CDK15: variants seen among roughly 807,000 people sequenced by gnomAD.
The protein encoded by CDK15 is cyclin-dependent kinase 15.
A neutral mutation model predicts 60.3 loss-of-function variants in CDK15; 62 were observed. That is an observed-to-expected ratio of 1.03 (90% CI 0.84 to 1.27). The LOEUF is 1.27. Ranked by LOEUF, CDK15 falls within the 50% of genes most tolerant of loss-of-function variation. CDK15 has a pLI of 0.00. For synonymous variants in CDK15, 194 were observed against 195.7 expected, an observed-to-expected ratio of 0.99 and a Z score of 0.07; for missense variants, 541 against 527.8, an observed-to-expected ratio of 1.03 and a Z score of -0.25.
intron 6 of CDK15, among the ~76,000 whole-genome samples, chr2:201,825,699 A>T (rs747698705): frequency 1.1e-4 from 16 of 152,180 alleles, no homozygotes; most frequent in South Asian, 6.2e-4. Flanking sequence ...GAGAATGTAG[A>T]CAGTTGGATT....
intron 4 of CDK15, among the ~76,000 whole-genome samples, chr2:201,822,348 C>T (rs1424099869): frequency 6.6e-6 from 1 of 152,246 alleles, no homozygotes; most frequent in Non-Finnish European, 1.5e-5. Flanking sequence ...ATCATATCCA[C>T]CGGCCCTATT....
intron 12 of CDK15, among the ~76,000 whole-genome samples, chr2:201,884,501 G>T (rs1401756379): frequency 6.6e-6 from 1 of 152,110 alleles, no homozygotes; most frequent in African/African-American, 2.4e-5. Flanking sequence ...TCATTGCCCT[G>T]TTAAAATCTG....
rs1431580736 is a variant in CDK15 at position 201,882,578 on chromosome 2, G to C, written c.1198+2411G>C. Reference sequence around the variant, plus strand: ...TGCAGCGACATCTCGAATCCCCGAGGGAGAAGATGAAAGCGCCGGTGCCAA... The same window carrying C: ...TGCAGCGACATCTCGAATCCCCGAGCGAGAAGATGAAAGCGCCGGTGCCAA... On this transcript the variant is annotated intron_variant, in intron 12 of 13. Transcript: ENST00000652192. The surrounding 1 kb of genome is among the most constrained non-coding windows in gnomAD (Gnocchi z 4.0). Among the ~76,000 whole-genome samples the C allele has an allele frequency of 1.3e-5, 2 of 151,448 alleles. No individual in the cohort carries two copies. The highest frequency in any genetic ancestry group is 4.9e-5 in the African/African-American group (2 of 41,234).
chr2:201,820,608 CT>C (rs1357501563), intron 4 of CDK15, among the ~76,000 whole-genome samples: 1 of 152,196 alleles, frequency 6.6e-6, no homozygotes, highest in Non-Finnish European at 1.5e-5. Context: ...CATATTAGGG[CT>C]TCTGGCTCCA....
chr2:201,838,945 G>A (rs1697249982), intron 8 of CDK15, among the ~76,000 whole-genome samples: 4 of 151,960 alleles, frequency 2.6e-5, no homozygotes, highest in Admixed American at 2.6e-4. Context: ...TTGATTTTAA[G>A]GGTTGTTTTT....
At chr2:201,815,956 G>A (rs192651135) in intron 4 of CDK15, among the ~76,000 whole-genome samples, 25 of 152,212 alleles carry the variant, frequency 1.6e-4, no homozygotes, top group African/African-American at 5.1e-4. Flanking sequence ...AGTAATCAGA[G>A]TTGTTAGAAT....
At chr2:201,835,172 A>G (rs1304943261) in intron 7 of CDK15, among the ~76,000 whole-genome samples, 1 of 152,214 alleles carries the variant, frequency 6.6e-6, no homozygotes, top group Non-Finnish European at 1.5e-5. Context: ...CTTTCGCATC[A>G]CAGTCCTGAC....
intron 4 of CDK15, among the ~76,000 whole-genome samples, chr2:201,818,713 C>T (rs887906090): frequency 2.0e-5 from 3 of 152,224 alleles, no homozygotes; most frequent in East Asian, 1.9e-4. Flanking sequence ...TTTCATATAA[C>T]GATTTCAGTA....
At chr2:201,891,006 G>GCAAT in intron 13 of CDK15, 79 bp downstream of exon 13, 1 of 717,764 alleles carries the variant, frequency 1.4e-6, no homozygotes, top group Non-Finnish European at 2.4e-6. Flanking sequence ...ACATTGCTCA[G>GCAAT]GGATTCAGAG....
chr2:201,847,128 A>C (rs1274313307), intron 8 of CDK15, among the ~76,000 whole-genome samples: 1 of 152,126 alleles, frequency 6.6e-6, no homozygotes, highest in Non-Finnish European at 1.5e-5. Flanking sequence ...AATGAGCTTG[A>C]ATGATCTACA....
At chr2:201,836,193 A>ATATC (rs1697078176) in intron 8 of CDK15, among the ~76,000 whole-genome samples, 2 of 122,410 alleles carry the variant, frequency 1.6e-5, no homozygotes, top group Admixed American at 2.0e-4. Flanking sequence ...ATATTTTTTT[A>ATATC]TATATATATA....
intron 11 of CDK15, among the ~76,000 whole-genome samples, chr2:201,875,997 CG>C (rs1328261833): frequency 6.6e-6 from 1 of 152,078 alleles, no homozygotes; most frequent in East Asian, 1.9e-4. Context: ...ATTAATTGGG[CG>C]GGGGGTTTTC....
rs1697713562 is a variant in CDK15 at position 201,847,327 on chromosome 2, T to G, written c.852-54T>G. 9.3e-6 allele frequency: 14 copies of G among 1,502,416 alleles called. No homozygotes were observed. The South Asian group carries it at 1.6e-4, about 17-fold the overall frequency. The allele number at this position is 1,502,416 out of a possible 1,614,324, so 93.1% of individuals were successfully genotyped here. A position where few individuals can be genotyped will look rare whatever the true frequency, so the allele number is the denominator to read the frequency against. On this transcript the variant is annotated intron_variant, in intron 8 of 13. Transcript: ENST00000652192. ...GGAAGAGAAATTCTAGTAGTTCAGT[T>G]TCGCTTGTATGATTTCTTTCAAAGT...
intron 12 of CDK15, among the ~76,000 whole-genome samples, chr2:201,884,850 G>A (rs1477428678): frequency 6.6e-6 from 1 of 152,184 alleles, no homozygotes; most frequent in Non-Finnish European, 1.5e-5. Context: ...ATACAAAAAT[G>A]AATTAGTCAT....
Position 201,814,687 on chromosome 2 carries a change from C to T in CDK15, c.448+2125C>T, listed in dbSNP as rs945101084. Among the ~76,000 whole-genome samples, 62 of 152,178 alleles carry T rather than the reference C, an allele frequency of 4.1e-4. 1 individual carries two copies. The highest frequency in any genetic ancestry group is 3.6e-3 in the Admixed American group (55 of 15,272). On this transcript the variant is annotated intron_variant, in intron 4 of 13. Coordinates refer to ENST00000652192, the MANE Select transcript of CDK15 (RefSeq NM_001366386.2). ...TAGCTAAAAAGGCAACCGAAAGGCA[C>T]GTGCAGGAAAACTGAACAAGTAATG...
chr2:201,852,426 A>G (rs1697953388), intron 9 of CDK15, among the ~76,000 whole-genome samples: 2 of 152,234 alleles, frequency 1.3e-5, no homozygotes, highest in Admixed American at 1.3e-4. Context: ...ATTTTTCTGA[A>G]GTGCCTGTAG....
chr2:201,837,429 GAA>G (rs1697160470), intron 8 of CDK15, among the ~76,000 whole-genome samples: 1 of 106,812 alleles, frequency 9.4e-6, no homozygotes, highest in Non-Finnish European at 1.9e-5. Flanking sequence ...AGGGAGGGAG[GAA>G]GGGAAGGAAG....
chr2:201,843,804 T>C (rs1697508327), intron 8 of CDK15, among the ~76,000 whole-genome samples: 1 of 152,232 alleles, frequency 6.6e-6, no homozygotes, highest in South Asian at 2.1e-4. Context: ...CTTGTGTTAC[T>C]TTATGGTACT....
chr2:201,861,810 C>G (rs1393609358), intron 10 of CDK15, among the ~76,000 whole-genome samples: 1 of 152,130 alleles, frequency 6.6e-6, no homozygotes, highest in Non-Finnish European at 1.5e-5. Context: ...ATCTACCTGC[C>G]TCAGCCTCCC....
Sources: allele counts gnomAD v4.1 joint callset (sites outside exome capture counted in the v4.1 genomes callset), GRCh38; gene constraint gnomAD v4.1.1; non-coding constraint Gnocchi (gnomAD v3.1); transcripts MANE v1.5; gene names NCBI Gene and HGNC (gene_info 2026-07-23, HGNC 2026-07-21).